Variants in OPCML observed in about 807,000 individuals in gnomAD.
The protein encoded by OPCML is opioid-binding protein/cell adhesion molecule.
Under a neutral mutation model 37.8 loss-of-function variants are expected in OPCML, and 13 were observed. The ratio of observed to expected loss-of-function variants is 0.34; its 90% CI spans 0.22 to 0.55. The LOEUF (loss-of-function observed/expected upper bound fraction) is 0.55, where lower values mean the gene tolerates loss of function less well. OPCML is among the 20% of genes least tolerant of loss of function. The pLI, the probability that OPCML is intolerant of heterozygous loss-of-function variation, is 0.91. For missense variants in OPCML, 341 were observed against 435.6 expected (o/e 0.78, Z 1.93); for synonymous variants, 176 against 168.8 (o/e 1.04, Z -0.33).
intron 3 of OPCML, among the ~76,000 whole-genome samples, chr11:132,628,553 C>A (rs138534631): frequency 1.2e-3 from 182 of 152,164 alleles, no homozygotes; most frequent in African/African-American, 4.2e-3. Flanking sequence ...GCAAAGGAAC[C>A]AATCTAGAGG....
intron 1 of OPCML, among the ~76,000 whole-genome samples, chr11:133,209,842 T>C (rs1255010633): frequency 1.3e-5 from 2 of 152,356 alleles, no homozygotes; most frequent in Non-Finnish European, 2.9e-5. Flanking sequence ...AAACATAATG[T>C]ATCTGTTTCT....
At chr11:133,223,497 T>C (rs556448158) in intron 1 of OPCML, among the ~76,000 whole-genome samples, 8 of 152,026 alleles carry the variant, frequency 5.3e-5, no homozygotes, top group African/African-American at 1.9e-4. Context: ...GAGAAAAAAC[T>C]GGAGGGGAGG....
intron 2 of OPCML, chr11:132,771,908 T>C (rs1385374055): frequency 6.6e-6 from 1 of 152,210 alleles, no homozygotes; most frequent in Non-Finnish European, 1.5e-5. Context: ...CGGCCTCTTC[T>C]TGTAAATGAA....
chr11:132,570,202 A>G (rs2096434074), intron 3 of OPCML, among the ~76,000 whole-genome samples: 1 of 152,214 alleles, frequency 6.6e-6, no homozygotes, highest in South Asian at 2.1e-4. Context: ...ATACAGTCAC[A>G]TTCATACATT....
At chr11:133,430,780 C>T (rs921167329) in intron 1 of OPCML, among the ~76,000 whole-genome samples, 3 of 152,146 alleles carry the variant, frequency 2.0e-5, no homozygotes, top group Non-Finnish European at 4.4e-5. Context: ...GTAGAAGTTA[C>T]AATCACAATA....
chr11:133,245,227 G>T (rs2136420415), intron 1 of OPCML, among the ~76,000 whole-genome samples: 1 of 152,226 alleles, frequency 6.6e-6, no homozygotes, highest in South Asian at 2.1e-4. Context: ...TGCACTACAG[G>T]GGTCGTTCAA....
intron 1 of OPCML, among the ~76,000 whole-genome samples, chr11:133,500,878 G>A (rs890341473): frequency 2.0e-5 from 3 of 152,138 alleles, no homozygotes; most frequent in Non-Finnish European, 4.4e-5. Flanking sequence ...AGTAGAGAGG[G>A]AGGAGTCTGA....
rs2136336462 is a variant in OPCML, at chr11:133,208,966, A to C, written c.62-265956T>G. Among the ~76,000 whole-genome samples the C allele has an allele frequency of 1.3e-5, 2 of 152,286 alleles. 1 individual carries two copies. Among genetic ancestry groups the C allele is most frequent in the East Asian group, 3.9e-4 (2 of 5,178 alleles). On this transcript the variant is annotated intron_variant, in intron 1 of 7. Transcript: ENST00000524381. This position sits in a 1 kb window ranked among gnomAD's most constrained non-coding sequence, Gnocchi z 8.9. ...TTACATGGAAACAACAATAATAAAA[A>C]AATTACCTGAAATGCTGTCCTACAT...
At chr11:133,299,204 G>A (rs759606017) in intron 1 of OPCML, 1 of 152,178 alleles carries the variant, frequency 6.6e-6, no homozygotes, top group South Asian at 2.1e-4. Context: ...GTTGTTCATT[G>A]TAACACTCCA....
chr11:133,147,622 G>A (rs1949916117), intron 1 of OPCML, among the ~76,000 whole-genome samples: 1 of 152,056 alleles, frequency 6.6e-6, no homozygotes, highest in African/African-American at 2.4e-5. Context: ...AGAAGGGATG[G>A]GTGGCTCTGC....
At chr11:133,466,521 G>A (rs1946980804) in intron 1 of OPCML, among the ~76,000 whole-genome samples, 1 of 152,164 alleles carries the variant, frequency 6.6e-6, no homozygotes, top group African/African-American at 2.4e-5. Flanking sequence ...TTTTGCTGAA[G>A]CAAAAGGCCA....
intron 1 of OPCML, among the ~76,000 whole-genome samples, chr11:133,232,585 A>C (rs1016670695): frequency 1.1e-4 from 17 of 151,960 alleles, no homozygotes; most frequent in East Asian, 1.9e-4. Flanking sequence ...GAAAAAAAAA[A>C]CCACCTCACT....
intron 1 of OPCML, among the ~76,000 whole-genome samples, chr11:133,380,156 G>A (rs557024051): frequency 6.6e-6 from 1 of 152,246 alleles, no homozygotes; most frequent in Middle Eastern, 3.4e-3. Context: ...CAGAATACAA[G>A]CAGGGGTTCA....
chr11:133,343,827 A>T (rs1943932288), intron 1 of OPCML, among the ~76,000 whole-genome samples: 1 of 152,170 alleles, frequency 6.6e-6, no homozygotes, highest in South Asian at 2.1e-4. Flanking sequence ...ATCTTCCCAA[A>T]ATAGCCTAAA....
intron 2 of OPCML, among the ~76,000 whole-genome samples, chr11:132,817,660 T>C (rs1402992126): frequency 6.6e-6 from 1 of 152,138 alleles, no homozygotes; most frequent in Non-Finnish European, 1.5e-5. Context: ...AACTCAGCTT[T>C]ACCAGGAGGG....
intron 4 of OPCML, among the ~76,000 whole-genome samples, chr11:132,493,529 T>A (rs1466015744): frequency 1.3e-5 from 2 of 152,156 alleles, no homozygotes; most frequent in African/African-American, 4.8e-5. Context: ...TCTGTCCACG[T>A]CCCTTTATAG....
intron 2 of OPCML, among the ~76,000 whole-genome samples, chr11:132,829,267 T>C (rs1008660252): frequency 6.6e-6 from 1 of 152,218 alleles, no homozygotes; most frequent in Non-Finnish European, 1.5e-5. Flanking sequence ...TTAAAAATCA[T>C]AGCAGCTAGG....
At chr11:132,642,440 A>C (rs969227611) in intron 3 of OPCML, among the ~76,000 whole-genome samples, 1 of 152,234 alleles carries the variant, frequency 6.6e-6, no homozygotes, top group Non-Finnish European at 1.5e-5. Flanking sequence ...ACATAAACAC[A>C]CACACATGTT....
intron 1 of OPCML, among the ~76,000 whole-genome samples, chr11:133,311,064 T>C (rs867700761): frequency 3.9e-5 from 6 of 152,204 alleles, no homozygotes; most frequent in Admixed American, 1.3e-4. Flanking sequence ...CTCCAACTCC[T>C]TATGTGTGTC....
Sources: gnomAD v4.1 joint callset for allele counts (sites outside exome capture counted in the v4.1 genomes callset) on GRCh38, gnomAD v4.1.1 for gene constraint, Gnocchi (gnomAD v3.1) non-coding constraint, MANE v1.5 for transcripts, NCBI Gene and HGNC (gene_info 2026-07-23, HGNC 2026-07-21) for gene names.